Variants in SAMSN1 observed in about 807,000 individuals in gnomAD.
SAMSN1 encodes the protein SAM domain-containing protein SAMSN-1.
SAMSN1 carries 31 observed loss-of-function variants against 42.0 expected under a neutral mutation model. That is an observed-to-expected ratio of 0.74 (90% confidence interval 0.55 to 1.00). The LOEUF (loss-of-function observed/expected upper bound fraction) is 1.00. Ranked by LOEUF, SAMSN1 falls within the 50% of genes least tolerant of loss-of-function variation. The probability of loss-of-function intolerance (pLI) is 0.00; values close to 1 mark genes in which losing one functional copy is unlikely to be tolerated. For missense variants in SAMSN1, 464 were observed against 439.4 expected, an observed-to-expected ratio of 1.06 and a Z score of -0.50; for synonymous variants, 178 against 151.9, an observed-to-expected ratio of 1.17 and a Z score of -1.26.
intron 4 of SAMSN1, among the ~76,000 whole-genome samples, chr21:14,610,864 T>C (rs1387240204): frequency 6.6e-6 from 1 of 152,230 alleles, no homozygotes; most frequent in Admixed American, 6.5e-5. Flanking sequence ...ATGCTGTTAC[T>C]TTAACGTCTC....
chr21:14,618,507 G>A (rs909561789), intron 2 of SAMSN1, among the ~76,000 whole-genome samples: 1 of 152,146 alleles, frequency 6.6e-6, no homozygotes, highest in Non-Finnish European at 1.5e-5. Context: ...AAGCAGCTGT[G>A]GAAAATGTAA....
intron 1 of SAMSN1, among the ~76,000 whole-genome samples, chr21:14,645,203 G>T (rs960544673): frequency 1.3e-5 from 2 of 152,158 alleles, no homozygotes; most frequent in Admixed American, 6.5e-5. Context: ...AGCAGGCCTT[G>T]GGCAAGACCC....
At chr21:14,509,690 C>T (rs1298454751) in intron 5 of SAMSN1, among the ~76,000 whole-genome samples, 1 of 152,144 alleles carries the variant, frequency 6.6e-6, no homozygotes, top group Non-Finnish European at 1.5e-5. Context: ...GAGTTGGGCA[C>T]CTTCAGCAAC....
At chr21:14,499,291 C>T (rs1272750956) in intron 6 of SAMSN1, among the ~76,000 whole-genome samples, 1 of 151,944 alleles carries the variant, frequency 6.6e-6, no homozygotes, top group Non-Finnish European at 1.5e-5. Context: ...ATTTCAAAGT[C>T]TGTATGTTAT....
rs115273404 is a variant in SAMSN1 at position 14,563,397 on chromosome 21, A to C, written c.261+18739T>G. The stretch of plus-strand genomic sequence containing the variant: ...CTTTGTTTTGAATGCAAATTACACA[A>C]TGATATTATTAAATTAAGACTCTGT... On this transcript the variant is annotated intron_variant, in intron 2 of 8. Coordinates refer to the SAMSN1 transcript ENST00000285670. 3.2e-3 allele frequency among the ~76,000 whole-genome samples: 494 copies of C among 152,322 alleles called. 4 individuals carry two copies. The highest frequency in any genetic ancestry group is 0.01 in the African/African-American group (433 of 41,576).
At chr21:14,511,030 G>A (rs1600876974) in intron 4 of SAMSN1, among the ~76,000 whole-genome samples, 1 of 152,170 alleles carries the variant, frequency 6.6e-6, no homozygotes, top group Non-Finnish European at 1.5e-5. Flanking sequence ...AGAGAAAAGA[G>A]ATAGCATTTT....
chr21:14,554,449 T>C (rs541352350), intron 2 of SAMSN1, among the ~76,000 whole-genome samples: 1 of 152,298 alleles, frequency 6.6e-6, no homozygotes, highest in South Asian at 2.1e-4. Flanking sequence ...CCATTATCTT[T>C]CTGAAGTTAT....
chr21:14,643,097 C>T (rs1983634112), exon 2 of SAMSN1: 2 of 717,270 alleles, frequency 2.8e-6, no homozygotes, highest in Non-Finnish European at 5.2e-6. Context: ...GCTTGTTGCT[C>T]TGGGATTGGC....
chr21:14,623,568 A>G (rs1313384223), intron 2 of SAMSN1, among the ~76,000 whole-genome samples: 1 of 152,236 alleles, frequency 6.6e-6, no homozygotes, highest in East Asian at 1.9e-4. Context: ...TTCAACAAGA[A>G]GAACTAACTA....
chr21:14,537,098 A>G (rs1216387046), intron 1 of SAMSN1, among the ~76,000 whole-genome samples: 1 of 152,158 alleles, frequency 6.6e-6, no homozygotes, highest in African/African-American at 2.4e-5. Flanking sequence ...ATCTTTCAAC[A>G]CTAGCTAAAA....
intron 1 of SAMSN1, among the ~76,000 whole-genome samples, chr21:14,652,039 T>G (rs1006898239): frequency 6.6e-6 from 1 of 151,946 alleles, no homozygotes; most frequent in African/African-American, 2.4e-5. Context: ...TGAAAAATAG[T>G]TTATGTTCAC....
upstream of SAMSN1, chr21:14,585,461 A>G (rs1254123860): frequency 6.6e-6 from 1 of 152,214 alleles, no homozygotes; most frequent in African/African-American, 2.4e-5. Flanking sequence ...AAGGTATTAT[A>G]TACCAGGGAA....
exon 2 of SAMSN1, chr21:14,582,309 A>T: frequency 6.4e-7 from 1 of 1,550,646 alleles, no homozygotes. Flanking sequence ...TCACCTTCAT[A>T]CCAAGCTAAT....
At chr21:14,582,189 G>A (rs1600943948) in exon 2 of SAMSN1, 6 of 1,550,622 alleles carry the variant, frequency 3.9e-6, no homozygotes, top group Non-Finnish European at 4.4e-6. Context: ...CGTGTGTGGC[G>A]AATACAAGAG....
At position 14,558,403 on chromosome 21, in the gene SAMSN1, C is replaced by T. The variant is rs564925192; in HGVS notation, c.261+23733G>A. 7.2e-5 allele frequency among the ~76,000 whole-genome samples: 11 copies of T among 152,144 alleles called. No individual in the cohort carries two copies. In the South Asian group the frequency reaches 1.0e-3, roughly 14 times the overall value. On this transcript the variant is annotated intron_variant, in intron 2 of 8. Coordinates refer to the SAMSN1 transcript ENST00000285670. The stretch of plus-strand genomic sequence containing the variant: ...TAAAAAAAAAACACTTTCAGCTGGG[C>T]GCAGTGGCTCACGCCTGTAATCCAA...
intron 2 of SAMSN1, among the ~76,000 whole-genome samples, chr21:14,551,851 C>G (rs772896102): frequency 2.6e-5 from 4 of 152,048 alleles, no homozygotes; most frequent in Non-Finnish European, 5.9e-5. Context: ...GTTTGCACAG[C>G]TAGGAAGTGG....
Position 14,602,265 on chromosome 21 carries a change from A to T in SAMSN1, c.323-166T>A, listed in dbSNP as rs551527914. On this transcript the variant is annotated intron_variant, in intron 5 of 15. Transcript: ENST00000647101. The stretch of plus-strand genomic sequence containing the variant: ...ATATATGCTATTTTTCTTTTTTTTT[A>T]ACAAGAAACAGATCAAAATAAAATA... Among the ~76,000 whole-genome samples the T allele has an allele frequency of 8.2e-4, 117 of 143,270 alleles. 1 individual carries two copies. In the South Asian group the frequency reaches 9.7e-3, roughly 12 times the overall value. 94.0% of individuals were successfully genotyped at this position (143,270 alleles called of 152,430 possible).
At chr21:14,635,060 C>A (rs1196507374) in intron 2 of SAMSN1, among the ~76,000 whole-genome samples, 1 of 152,086 alleles carries the variant, frequency 6.6e-6, no homozygotes. Context: ...AAGCCATTAT[C>A]CTCAGCAAAC....
Position 14,500,717 on chromosome 21 carries a change from T to G in SAMSN1, c.580A>C (p.Ile194Leu). 6.2e-7 allele frequency: 1 copy of G among 1,613,594 alleles called. No homozygotes were observed. Among genetic ancestry groups the G allele is most frequent in the South Asian group, 1.1e-5 (1 of 91,072 alleles). ...ATCCCCATTGGTGTTTTGCAAATAA[T>G]GTCTATGATGTCTCCTTTCTAAGGG... ...LKIKKGDIIDIICKTPMGMWT... is the reference protein window; with the variant it reads ...LKIKKGDIIDLICKTPMGMWT... The change falls in exon 6 of 8, where the codon ATT (isoleucine) becomes CTT (leucine). Residue 194 changes from isoleucine (I) to leucine (L), a missense_variant. Ile to Leu is a conservative substitution (Grantham distance 5). Transcript: ENST00000400566.
Sources: gnomAD v4.1 joint callset for allele counts (sites outside exome capture counted in the v4.1 genomes callset) on GRCh38, gnomAD v4.1.1 for gene constraint, MANE v1.5 for transcripts, NCBI Gene and HGNC (gene_info 2026-07-23, HGNC 2026-07-21) for gene names.